BACE2: variants seen among roughly 807,000 people sequenced by gnomAD.
The protein encoded by BACE2 is beta-secretase 2.
In BACE2, 17 loss-of-function variants were observed where a neutral mutation model predicts 46.2. The ratio of observed to expected loss-of-function variants is 0.37; its 90% CI spans 0.25 to 0.55. The LOEUF is 0.55. BACE2 is among the 20% of genes least tolerant of loss of function. The pLI is 0.82. For synonymous variants in BACE2, 277 were observed against 295.9 expected, an observed-to-expected ratio of 0.94 and a Z score of 0.66; for missense variants, 595 against 698.1, an observed-to-expected ratio of 0.85 and a Z score of 1.66.
intron 5 of BACE2, among the ~76,000 whole-genome samples, chr21:41,245,281 G>A (rs547015480): frequency 2.0e-5 from 3 of 152,354 alleles, no homozygotes; most frequent in African/African-American, 7.2e-5. Context: ...AAGGCAGGAG[G>A]ATCAGGTCAC....
At chr21:41,221,099 C>T (rs1165090593) in intron 1 of BACE2, among the ~76,000 whole-genome samples, 1 of 150,684 alleles carries the variant, frequency 6.6e-6, no homozygotes, top group Non-Finnish European at 1.5e-5. Context: ...AGATTCACTT[C>T]AAACCTTCAT....
intron 1 of BACE2, among the ~76,000 whole-genome samples, chr21:41,171,174 G>T (rs544057158): frequency 6.6e-6 from 1 of 152,298 alleles, no homozygotes; most frequent in Non-Finnish European, 1.5e-5. Flanking sequence ...GGGACTTATT[G>T]TATGACTGCA....
rs753931953 is a variant in BACE2, at chr21:41,276,335, T to C, written c.*711T>C. ...TCTCCTCTTTTGTACCCAATACTTA[T>C]GTTGTATTGTTGGTGCGAAAGTAAA... is the stretch of plus-strand genomic sequence containing the variant. On this transcript the variant is annotated 3_prime_UTR_variant, in exon 9 of 9. Transcript: ENST00000330333. The C allele has an allele frequency of 2.0e-5, 3 of 152,224 alleles. No individual in the cohort carries two copies. Among genetic ancestry groups the C allele is most frequent in the Non-Finnish European group, 2.9e-5 (2 of 68,044 alleles). The allele number at this position is 152,224 out of a possible 1,614,324, so 9.4% of individuals were successfully genotyped here. A position where few individuals can be genotyped will look rare whatever the true frequency, so the allele number is the denominator to read the frequency against.
chr21:41,191,190 C>G (rs1261353182), intron 1 of BACE2, among the ~76,000 whole-genome samples: 1 of 152,120 alleles, frequency 6.6e-6, no homozygotes, highest in African/African-American at 2.4e-5. Context: ...GAACTTTGTC[C>G]CAGGCATGCA....
At chr21:41,237,470 T>A (rs1369105063) in intron 2 of BACE2, 43 bp from the exon 3 acceptor site, 1 of 1,317,192 alleles carries the variant, frequency 7.6e-7, no homozygotes, top group Non-Finnish European at 1.0e-6. Flanking sequence ...AAAAATAAAA[T>A]AAAATAAAAT....
At position 41,250,855 on chromosome 21, in the gene BACE2, G is replaced by T; in HGVS notation, c.1088G>T (p.Arg363Ile). Reference sequence around the variant, plus strand: ...TTCCCTAAAATCTCCATCTACCTGAGAGACGAGAACTCCAGCAGGTCATTC... The same window carrying T: ...TTCCCTAAAATCTCCATCTACCTGATAGACGAGAACTCCAGCAGGTCATTC... ...SYFPKISIYL[R>I]DENSSRSFRI... is the part of the protein sequence containing the mutation. Residue 363 changes from arginine to isoleucine, a missense_variant, in exon 7 of 9, where the codon AGA becomes ATA. Arg to Ile is a moderately conservative substitution (Grantham distance 97). Transcript: ENST00000330333. 2 of 1,614,144 alleles carry T rather than the reference G, an allele frequency of 1.2e-6. No homozygotes were observed. Among genetic ancestry groups the T allele is most frequent in the Non-Finnish European group, 1.7e-6 (2 of 1,179,980 alleles).
At chr21:41,223,941 C>A (rs1430049258) in intron 1 of BACE2, among the ~76,000 whole-genome samples, 1 of 151,998 alleles carries the variant, frequency 6.6e-6, no homozygotes, top group Admixed American at 6.5e-5. Flanking sequence ...CTGAGCTGAG[C>A]CCCGGGAAAG....
rs575780224 is a variant in BACE2 at position 41,282,168 on chromosome 21, C to T, written c.*6544C>T. 1.3e-5 allele frequency: 2 copies of T among 152,162 alleles called. No homozygotes were observed. Among genetic ancestry groups the T allele is most frequent in the Non-Finnish European group, 2.9e-5 (2 of 68,024 alleles). The allele number at this position is 152,162 out of a possible 1,614,324, so 9.4% of individuals were successfully genotyped here. On this transcript the variant is annotated 3_prime_UTR_variant, in exon 9 of 9. Coordinates refer to ENST00000330333, the MANE Select transcript of BACE2 (RefSeq NM_012105.5). ...ATGCAAAAAGTAGTGCTTTGCAAAA[C>T]GTTTGTTTTCTGTTTATCTCAGATT...
At chr21:41,175,362 C>T (rs552717409) in intron 1 of BACE2, 7 of 152,388 alleles carry the variant, frequency 4.6e-5, no homozygotes, top group African/African-American at 1.7e-4. Context: ...TGGGCAGCTC[C>T]ATCATTCCAG....
chr21:41,236,708 CCTGA>C, intron 2 of BACE2: 1 of 152,314 alleles, frequency 6.6e-6, no homozygotes, highest in African/African-American at 2.4e-5. Flanking sequence ...TATGTGTGAA[CCTGA>C]ACTCCAGCTG....
rs988496368 is a variant in BACE2, at chr21:41,279,998, T to C, written c.*4374T>C. On this transcript the variant is annotated 3_prime_UTR_variant, in exon 9 of 9. Coordinates refer to ENST00000330333, the MANE Select transcript of BACE2 (RefSeq NM_012105.5). ...GGCACCTCATTTCACCCCACGTTTT[T>C]GGCACAGTCTACTTTTTAGGTATTT... is the stretch of plus-strand genomic sequence containing the variant. 1 of 152,272 alleles carries C rather than the reference T, an allele frequency of 6.6e-6. No individual in the cohort carries two copies. The highest frequency in any genetic ancestry group is 2.4e-5 in the African/African-American group (1 of 41,450). The allele number at this position is 152,272 out of a possible 1,614,324, so 9.4% of individuals were successfully genotyped here.
intron 1 of BACE2, among the ~76,000 whole-genome samples, chr21:41,169,720 G>T (rs945721131): frequency 2.6e-5 from 4 of 151,998 alleles, no homozygotes; most frequent in African/African-American, 9.7e-5. Context: ...GGAAACTGCC[G>T]AATAACTTCT....
rs577226278 is a variant in BACE2 at position 41,213,403 on chromosome 21, A to C, written c.313-12863A>C. Among the ~76,000 whole-genome samples, 88 of 151,588 alleles carry C rather than the reference A, an allele frequency of 5.8e-4. 3 individuals are homozygous for C. In the South Asian group the frequency reaches 0.017, roughly 30 times the overall value. On this transcript the variant is annotated intron_variant, in intron 1 of 8. Coordinates refer to ENST00000330333, the MANE Select transcript of BACE2 (RefSeq NM_012105.5). ...TCGTTTACTCTCAGCCAGCAGGCAGAAGGGGTGAGAGGTGGTTTCTACTTG... is the reference window on the plus strand; with the variant it reads ...TCGTTTACTCTCAGCCAGCAGGCAGCAGGGGTGAGAGGTGGTTTCTACTTG...
chr21:41,275,340 A>G, intron 8 of BACE2, 31 bp from the exon 9 acceptor site: 4 of 1,613,400 alleles, frequency 2.5e-6, no homozygotes, highest in South Asian at 1.1e-5. Context: ...CTCATTTCAC[A>G]GCTGTGGATT....
intron 1 of BACE2, among the ~76,000 whole-genome samples, chr21:41,197,678 C>G (rs1985790157): frequency 6.6e-6 from 1 of 152,086 alleles, no homozygotes; most frequent in Non-Finnish European, 1.5e-5. Context: ...TGGAAATAAG[C>G]CGTACCTTCC....
chr21:41,258,845 T>G (rs1987856420), intron 8 of BACE2, among the ~76,000 whole-genome samples: 1 of 152,252 alleles, frequency 6.6e-6, no homozygotes, highest in Non-Finnish European at 1.5e-5. Flanking sequence ...TTATCTTTGC[T>G]ATGTGTAAAT....
In BACE2 at chr21:41,246,015, C is replaced by T; in HGVS notation, c.936C>T (p.Pro312=). 1 of 1,611,342 alleles carries T rather than the reference C, an allele frequency of 6.2e-7. No individual in the cohort carries two copies. Among genetic ancestry groups the T allele is most frequent in the Non-Finnish European group, 8.5e-7 (1 of 1,178,900 alleles). The change falls in exon 6 of 9, where the codon CCC becomes CCT. Residue 312 remains proline (P), a synonymous_variant. Coordinates refer to ENST00000330333, the MANE Select transcript of BACE2 (RefSeq NM_012105.5). The part of the protein sequence containing the change: ...VDSGTTLLRL[P]QKVFDAVVEA... ...GTGGCACCACGCTGCTGCGCCTGCCCCAGAAGGTGTTTGATGCGGTGGTGG... is the reference window on the plus strand; with the variant it reads ...GTGGCACCACGCTGCTGCGCCTGCCTCAGAAGGTGTTTGATGCGGTGGTGG...
chr21:41,168,324 GC>G lies in BACE2; in HGVS notation c.65del (p.Pro22ArgfsTer21). 1 of 1,340,746 alleles carries G rather than the reference GC, an allele frequency of 7.5e-7. No individual in the cohort carries two copies. Among genetic ancestry groups the G allele is most frequent in the Non-Finnish European group, 9.6e-7 (1 of 1,045,166 alleles). The allele number at this position is 1,340,746 out of a possible 1,614,324, so 83.1% of individuals were successfully genotyped here. A position where few individuals can be genotyped will look rare whatever the true frequency, so the allele number is the denominator to read the frequency against. ...PLLAQWLLRA[A>X]PELAPAPFTL... is the part of the protein sequence containing the mutation. ...GCTGGCCCAGTGGCTCCTGCGCGCC[GC>G]CCCGGAGCTGGCCCCCGCGCCCTTC... On this transcript the variant is annotated frameshift_variant, in exon 1 of 9. Transcript: ENST00000330333. LOFTEE classifies it high-confidence loss of function.
intron 1 of BACE2, among the ~76,000 whole-genome samples, chr21:41,220,730 T>A (rs1420383082): frequency 6.6e-6 from 1 of 150,684 alleles, no homozygotes; most frequent in East Asian, 1.9e-4. Context: ...AAATATATTT[T>A]TATATATGTG....
Sources: allele counts gnomAD v4.1 joint callset (sites outside exome capture counted in the v4.1 genomes callset), GRCh38; gene constraint gnomAD v4.1.1; transcripts MANE v1.5; gene names NCBI Gene and HGNC (gene_info 2026-07-23, HGNC 2026-07-21).